The following GALC variants were observed in gnomAD, a reference collection of about 807,000 sequenced individuals.
GALC encodes galactosylceramidase.
A neutral mutation model predicts 91.8 loss-of-function variants in GALC; 77 were observed. The ratio of observed to expected loss-of-function variants is 0.84; its 90% CI spans 0.70 to 1.01. The LOEUF (loss-of-function observed/expected upper bound fraction) is 1.01, where lower values mean the gene tolerates loss of function less well. Ranked by LOEUF, GALC falls within the 50% of genes least tolerant of loss-of-function variation. GALC has a pLI of 0.00. For synonymous variants in GALC, 357 were observed against 306.7 expected, an observed-to-expected ratio of 1.16 and a Z score of -1.71; for missense variants, 882 against 855.9, an observed-to-expected ratio of 1.03 and a Z score of -0.38.
At chr14:87,952,288 G>A (rs1885344544) in intron 10 of GALC, among the ~76,000 whole-genome samples, 1 of 151,826 alleles carries the variant, frequency 6.6e-6, no homozygotes, top group Non-Finnish European at 1.5e-5. Flanking sequence ...TAAGAAAGGT[G>A]ACATTACTAG....
At chr14:87,993,253 C>T (rs953386707), upstream of GALC, 5 of 1,541,106 alleles carry the variant, frequency 3.2e-6, no homozygotes, top group African/African-American at 1.4e-5. Flanking sequence ...ATGCTGACGC[C>T]GCCGCCGCCA....
rs373329989 is a variant in GALC, at chr14:87,947,894, C to T, written c.1339-16G>A. ...TGTCAAGGAGCTGAAAAAGAAGACACTACTGTATTCAGGACCAGGTACTAT... is the reference window on the plus strand; with the variant it reads ...TGTCAAGGAGCTGAAAAAGAAGACATTACTGTATTCAGGACCAGGTACTAT... On this transcript the variant is annotated splice_polypyrimidine_tract_variant and intron_variant, in intron 12 of 16. Coordinates refer to ENST00000261304, the MANE Select transcript of GALC (RefSeq NM_000153.4). 7.5e-6 allele frequency: 12 copies of T among 1,610,132 alleles called. No homozygotes were observed. The highest frequency in any genetic ancestry group is 1.3e-5 in the African/African-American group (1 of 74,716).
At chr14:87,961,944 G>A (rs188165457) in intron 10 of GALC, among the ~76,000 whole-genome samples, 14 of 152,272 alleles carry the variant, frequency 9.2e-5, no homozygotes, top group Admixed American at 3.9e-4. Flanking sequence ...ACATTCGTTT[G>A]GTTTGTGATT....
At chr14:87,936,882 C>T (rs1186170623) in intron 16 of GALC, among the ~76,000 whole-genome samples, 2 of 63,398 alleles carry the variant, frequency 3.2e-5, no homozygotes, top group Non-Finnish European at 6.5e-5. Flanking sequence ...TAAGTGCTTA[C>T]CACATATCAG....
intron 10 of GALC, among the ~76,000 whole-genome samples, chr14:87,956,931 T>A (rs1287052334): frequency 3.4e-5 from 4 of 119,138 alleles, no homozygotes; most frequent in Non-Finnish European, 7.1e-5. Flanking sequence ...ACATCTATTG[T>A]TTTTTGATGT....
chr14:87,981,956 A>G (rs78771300), intron 6 of GALC, among the ~76,000 whole-genome samples: 1 of 152,192 alleles, frequency 6.6e-6, no homozygotes, highest in Non-Finnish European at 1.5e-5. Flanking sequence ...TAAAATAGAA[A>G]AATTCAACAC....
In GALC at chr14:87,950,751, GA is replaced by G. The variant is rs11300320; in HGVS notation, c.1162-4del. The G allele has an allele frequency of 0.97, 1,240,735 of 1,284,480 alleles. 599,206 individuals are homozygous for G. Among genetic ancestry groups the G allele is most frequent in the East Asian group, 0.98 (38,395 of 39,086 alleles). 79.6% of individuals were successfully genotyped at this position (1,284,480 alleles called of 1,614,324 possible). On this transcript the variant is annotated splice_polypyrimidine_tract_variant and splice_region_variant and intron_variant, in intron 10 of 16. Transcript: ENST00000261304. ...ATGCACTTAGAATGTTTATGACTCT[GA>G]AAAAAAAAAATCACATACATTATCC...
rs569638207 is a variant in GALC, at chr14:87,983,804, C to G, written c.582+590G>C. ...AAAGGTGTTAACTAACAGTTTGTGA[C>G]AGGTGAACGCAGATTTCAGCCAGCC... On this transcript the variant is annotated intron_variant, in intron 5 of 16. Coordinates refer to ENST00000261304, the MANE Select transcript of GALC (RefSeq NM_000153.4). Among the ~76,000 whole-genome samples the G allele has an allele frequency of 6.6e-4, 101 of 152,300 alleles. 1 individual carries two copies. Among genetic ancestry groups the G allele is most frequent in the African/African-American group, 2.3e-3 (94 of 41,562 alleles).
chr14:87,993,530 A>T, upstream of GALC: 2 of 1,453,808 alleles, frequency 1.4e-6, no homozygotes, highest in Non-Finnish European at 1.9e-6. Flanking sequence ...TGCGAGGACC[A>T]GGCTTGGACA....
Position 87,963,636 on chromosome 14 carries a change from C to G in GALC, c.1034-125G>C, listed in dbSNP as rs17760374. Reference sequence around the variant, plus strand: ...TCCAAACAAGCTATTTTCTATTTTGCAGGAATATATCCGTCAACCTCATGT... The same window carrying G: ...TCCAAACAAGCTATTTTCTATTTTGGAGGAATATATCCGTCAACCTCATGT... On this transcript the variant is annotated intron_variant, in intron 9 of 16. Transcript: ENST00000261304. 0.13 allele frequency: 106,127 copies of G among 788,386 alleles called. 8,038 individuals are homozygous for G. The highest frequency in any genetic ancestry group is 0.16 in the Non-Finnish European group (77,330 of 488,996). The allele number at this position is 788,386 out of a possible 1,614,324, so 48.8% of individuals were successfully genotyped here.
intron 10 of GALC, chr14:87,954,713 C>T (rs1418192226): frequency 6.4e-7 from 1 of 1,551,250 alleles, no homozygotes; most frequent in East Asian, 2.3e-5. Flanking sequence ...TACGGCAGCT[C>T]AGAAGATAGC....
intron 16 of GALC, among the ~76,000 whole-genome samples, chr14:87,935,721 A>G (rs1380569702): frequency 2.0e-5 from 3 of 152,136 alleles, no homozygotes; most frequent in East Asian, 1.9e-4. Context: ...CAGAAGGTGA[A>G]GAGCTCAAAA....
chr14:87,969,520 T>C (rs17760655), intron 7 of GALC, among the ~76,000 whole-genome samples: 17,211 of 152,128 alleles, frequency 0.11, 1,147 homozygotes, highest in Non-Finnish European at 0.16. Context: ...AAATAGAAAA[T>C]AGATTGACAA....
chr14:87,938,229 C>T (rs1289757020), intron 16 of GALC, among the ~76,000 whole-genome samples: 2 of 151,748 alleles, frequency 1.3e-5, no homozygotes, highest in African/African-American at 2.4e-5. Context: ...GAGCTATGTG[C>T]TAGTGAAGGG....
In GALC at chr14:87,988,525, T is replaced by TA. The variant is rs561184126; in HGVS notation, c.196-3dup. 4,931 of 1,427,344 alleles carry TA rather than the reference T, an allele frequency of 3.5e-3. 1 individual carries two copies. Among genetic ancestry groups the TA allele is most frequent in the Non-Finnish European group, 4.2e-3 (4,310 of 1,036,682 alleles). The allele number at this position is 1,427,344 out of a possible 1,614,324, so 88.4% of individuals were successfully genotyped here. On this transcript the variant is annotated splice_region_variant and splice_polypyrimidine_tract_variant and intron_variant, in intron 1 of 16. Transcript: ENST00000261304. ...ATTTACTAGAAGTCGGGAGGTTGCC[T>TA]AAAAAAAAAAGTTTTCAAAAGTATG... is the stretch of plus-strand genomic sequence containing the variant.
chr14:87,960,232 A>G (rs1323656827), intron 10 of GALC, among the ~76,000 whole-genome samples: 1 of 151,828 alleles, frequency 6.6e-6, no homozygotes, highest in Non-Finnish European at 1.5e-5. Context: ...AGAGAGTAGA[A>G]CAGTGGTTAC....
At chr14:87,950,614 A>C in intron 11 of GALC, 45 bp downstream of exon 11, 1 of 1,218,230 alleles carries the variant, frequency 8.2e-7, no homozygotes, top group Non-Finnish European at 1.2e-6. Flanking sequence ...AGAATATATA[A>C]ATTCTTAAAT....
At chr14:87,986,920 T>C (rs776715750) in intron 3 of GALC, 5 of 431,546 alleles carry the variant, frequency 1.2e-5, no homozygotes, top group Non-Finnish European at 2.2e-5. Context: ...GGGCTTTTGA[T>C]CTCTCTGTAG....
chr14:87,987,308 C>T (rs1008624597), intron 3 of GALC, among the ~76,000 whole-genome samples: 6 of 152,192 alleles, frequency 3.9e-5, no homozygotes, highest in African/African-American at 1.4e-4. Flanking sequence ...ACAAGAACTG[C>T]CTGTTTATGT....
Sources: gnomAD v4.1 joint callset for allele counts (sites outside exome capture counted in the v4.1 genomes callset) on GRCh38, gnomAD v4.1.1 for gene constraint, MANE v1.5 for transcripts, NCBI Gene and HGNC (gene_info 2026-07-23, HGNC 2026-07-21) for gene names.